PRKAG2: variants seen among roughly 807,000 people sequenced by gnomAD.
The protein encoded by PRKAG2 is protein kinase AMP-activated non-catalytic subunit gamma 2.
PRKAG2 carries 26 observed loss-of-function variants against 69.6 expected under a neutral mutation model. The ratio of observed to expected loss-of-function variants is 0.37; its 90% CI spans 0.27 to 0.52. The LOEUF is 0.52. PRKAG2 is among the 20% of genes least tolerant of loss of function. The pLI is 0.90. For synonymous variants in PRKAG2, 293 were observed against 285.0 expected (o/e 1.03, Z -0.28); for missense variants, 557 against 740.0 (o/e 0.75, Z 2.87).
At chr7:151,706,849 C>T (rs1181134485) in intron 3 of PRKAG2, among the ~76,000 whole-genome samples, 1 of 152,216 alleles carries the variant, frequency 6.6e-6, no homozygotes, top group African/African-American at 2.4e-5. Context: ...CCATGCATCT[C>T]AGCCCAATTG....
At chr7:151,568,669 A>T (rs1018428657) in intron 11 of PRKAG2, 47 bp downstream of exon 11, 1 of 1,595,826 alleles carries the variant, frequency 6.3e-7, no homozygotes, top group Non-Finnish European at 8.6e-7. Context: ...TACATTATTT[A>T]ATAAGTAAAT....
In PRKAG2 at chr7:151,583,869, G is replaced by A. The variant is rs6953900; in HGVS notation, c.865-7417C>T. On this transcript the variant is annotated intron_variant, in intron 6 of 15. Coordinates refer to ENST00000287878, the MANE Select transcript of PRKAG2 (RefSeq NM_016203.4). The surrounding 1 kb of genome is among the most constrained non-coding windows in gnomAD (Gnocchi z 4.1). ...AGGTAAGTTTTTAGAATAGTGAGCA[G>A]GCCCGAGCTGCTCTAAGAGACTCTG... 0.17 allele frequency among the ~76,000 whole-genome samples: 25,278 copies of A among 152,142 alleles called. 2,378 individuals are homozygous for A. The highest frequency in any genetic ancestry group is 0.27 in the East Asian group (1,395 of 5,170).
intron 5 of PRKAG2, among the ~76,000 whole-genome samples, chr7:151,618,541 G>A (rs1820712268): frequency 6.6e-6 from 1 of 151,948 alleles, no homozygotes; most frequent in African/African-American, 2.4e-5. Flanking sequence ...GAAGCAGGTG[G>A]GTCATTTGAG....
intron 15 of PRKAG2, chr7:151,558,368 T>G: frequency 1.0e-6 from 1 of 985,460 alleles, no homozygotes; most frequent in Non-Finnish European, 1.2e-6. Context: ...TCCCGGGCAC[T>G]GCGCCTCATT....
At chr7:151,773,755 G>C (rs1264543208) in intron 3 of PRKAG2, among the ~76,000 whole-genome samples, 1 of 152,154 alleles carries the variant, frequency 6.6e-6, no homozygotes, top group Non-Finnish European at 1.5e-5. Flanking sequence ...CCAAAGGCAA[G>C]ATCACCCTAA....
In PRKAG2 at chr7:151,564,255, CTTTCA is replaced by C. The variant is rs778441206; in HGVS notation, c.1438-36_1438-32del. 4.3e-6 allele frequency: 7 copies of C among 1,612,868 alleles called. No individual in the cohort carries two copies. In the South Asian group the frequency reaches 5.5e-5, roughly 13 times the overall value. ...ATGAAGCAAGAGAATAAATTATATC[CTTTCA>C]TTTCAGTTCACTTCAATGACCAAAA... On this transcript the variant is annotated intron_variant, in intron 13 of 15. Coordinates refer to ENST00000287878, the MANE Select transcript of PRKAG2 (RefSeq NM_016203.4).
At chr7:151,821,892 C>T (rs772389159) in intron 1 of PRKAG2, among the ~76,000 whole-genome samples, 17 of 152,236 alleles carry the variant, frequency 1.1e-4, no homozygotes, top group Middle Eastern at 3.4e-3. Flanking sequence ...GGATTAAATC[C>T]GTATGTATGT....
chr7:151,561,333 T>A (rs1441722350), intron 14 of PRKAG2, among the ~76,000 whole-genome samples: 1 of 152,252 alleles, frequency 6.6e-6, no homozygotes, highest in Non-Finnish European at 1.5e-5. Context: ...TATATCAGTT[T>A]CTAATAACTA....
intron 5 of PRKAG2, among the ~76,000 whole-genome samples, chr7:151,608,699 A>G (rs1180379009): frequency 2.0e-5 from 3 of 152,222 alleles, no homozygotes; most frequent in African/African-American, 7.2e-5. Flanking sequence ...GGTTTAAAAG[A>G]ACACTGGTGA....
In PRKAG2 at chr7:151,745,533, C is replaced by T. The variant is rs374928810; in HGVS notation, c.466+35619G>A. On this transcript the variant is annotated intron_variant, in intron 3 of 15. Coordinates refer to ENST00000287878, the MANE Select transcript of PRKAG2 (RefSeq NM_016203.4). ...ACACACTCATGGTCATGCACAGCCT[C>T]GTGGTGACCACAGGAACTGGAGCCT... Among the ~76,000 whole-genome samples, 50 of 152,266 alleles carry T rather than the reference C, an allele frequency of 3.3e-4. No individual in the cohort carries two copies. The East Asian group carries it at 5.2e-3, about 16-fold the overall frequency.
intron 1 of PRKAG2, among the ~76,000 whole-genome samples, chr7:151,855,210 CCA>C (rs1405494351): frequency 1.3e-4 from 18 of 135,524 alleles, no homozygotes; most frequent in Non-Finnish European, 2.4e-4. Context: ...ACACCACCCT[CCA>C]CACACACCAC....
chr7:151,797,469 G>A (rs1350376562), intron 1 of PRKAG2, among the ~76,000 whole-genome samples: 2 of 152,122 alleles, frequency 1.3e-5, no homozygotes, highest in Non-Finnish European at 1.5e-5. Context: ...CCTCATTTCT[G>A]CTCCCAAACA....
At chr7:151,755,102 G>T (rs946489336) in intron 3 of PRKAG2, among the ~76,000 whole-genome samples, 1 of 152,170 alleles carries the variant, frequency 6.6e-6, no homozygotes, top group Non-Finnish European at 1.5e-5. Context: ...CTGAGCGGGG[G>T]TCGGGGGCTG....
At chr7:151,829,015 G>A (rs148315451) in intron 1 of PRKAG2, among the ~76,000 whole-genome samples, 5 of 152,234 alleles carry the variant, frequency 3.3e-5, no homozygotes, top group Non-Finnish European at 7.4e-5. Context: ...CGAAAGCATA[G>A]GTAACAAAAG....
intron 6 of PRKAG2, among the ~76,000 whole-genome samples, chr7:151,588,909 T>A (rs1269204740): frequency 6.6e-6 from 1 of 152,196 alleles, no homozygotes; most frequent in Non-Finnish European, 1.5e-5. Context: ...TTCCTGGGCT[T>A]ATCTGGAAGG....
At chr7:151,696,905 C>T (rs754919052) in intron 3 of PRKAG2, among the ~76,000 whole-genome samples, 3 of 152,006 alleles carry the variant, frequency 2.0e-5, no homozygotes, top group African/African-American at 4.8e-5. Flanking sequence ...GACAGAAGGC[C>T]GCTCCTTAGG....
intron 1 of PRKAG2, among the ~76,000 whole-genome samples, chr7:151,795,688 C>T (rs1046565805): frequency 1.1e-4 from 16 of 151,780 alleles, no homozygotes; most frequent in Admixed American, 7.9e-4. Flanking sequence ...TCCCCCAATC[C>T]GCAGCAGGCC....
chr7:151,773,678 TA>T (rs951222132), intron 3 of PRKAG2, among the ~76,000 whole-genome samples: 2 of 152,218 alleles, frequency 1.3e-5, no homozygotes, highest in African/African-American at 4.8e-5. Flanking sequence ...TTTGCTTTTT[TA>T]AAAGACTTTA....
At chr7:151,743,351 C>T (rs1052883093) in intron 3 of PRKAG2, among the ~76,000 whole-genome samples, 1 of 152,108 alleles carries the variant, frequency 6.6e-6, no homozygotes, top group African/African-American at 2.4e-5. Context: ...CTTAGCAGTG[C>T]CCCGTGCTGT....
Sources: allele counts gnomAD v4.1 joint callset (sites outside exome capture counted in the v4.1 genomes callset), GRCh38; gene constraint gnomAD v4.1.1; non-coding constraint Gnocchi (gnomAD v3.1); transcripts MANE v1.5; gene names NCBI Gene and HGNC (gene_info 2026-07-23, HGNC 2026-07-21).